The following BMPER variants were observed in gnomAD, a reference collection of about 807,000 sequenced individuals.
BMPER encodes the protein BMP-binding endothelial regulator protein.
A neutral mutation model predicts 87.3 loss-of-function variants in BMPER; 45 were observed. That is an observed-to-expected ratio of 0.52 (90% confidence interval 0.41 to 0.66). BMPER has a LOEUF of 0.66. BMPER is among the 30% of genes least tolerant of loss of function. The probability of loss-of-function intolerance (pLI) is 0.00; values close to 1 mark genes in which losing one functional copy is unlikely to be tolerated. For synonymous variants in BMPER, 326 were observed against 316.2 expected (o/e 1.03, Z -0.33); for missense variants, 784 against 867.5 (o/e 0.90, Z 1.21).
intron 13 of BMPER, among the ~76,000 whole-genome samples, chr7:34,097,007 C>T (rs1562741324): frequency 2.0e-5 from 3 of 152,270 alleles, no homozygotes; most frequent in Middle Eastern, 3.4e-3. Context: ...GCTTGCAGGG[C>T]ATGTTAATGA....
intron 2 of BMPER, among the ~76,000 whole-genome samples, chr7:33,925,445 T>G (rs1784335216): frequency 6.6e-6 from 1 of 152,192 alleles, no homozygotes; most frequent in Non-Finnish European, 1.5e-5. Context: ...CATAACAAAC[T>G]GTGCAATGAG....
chr7:34,019,304 CTG>C (rs756980156), intron 6 of BMPER, among the ~76,000 whole-genome samples: 7 of 152,116 alleles, frequency 4.6e-5, no homozygotes, highest in Non-Finnish European at 8.8e-5. Flanking sequence ...TCAGAGGAAA[CTG>C]TACATGTTAG....
intron 7 of BMPER, among the ~76,000 whole-genome samples, chr7:34,049,005 T>A (rs1788068701): frequency 6.6e-6 from 1 of 152,210 alleles, no homozygotes; most frequent in Non-Finnish European, 1.5e-5. Flanking sequence ...GCTTTCTAGA[T>A]GCTGAAATCT....
intron 13 of BMPER, among the ~76,000 whole-genome samples, chr7:34,141,671 T>C (rs1295159500): frequency 6.6e-6 from 1 of 151,702 alleles, no homozygotes; most frequent in Non-Finnish European, 1.5e-5. Flanking sequence ...GAAAGATCTC[T>C]TTTTCTGTGC....
intron 6 of BMPER, among the ~76,000 whole-genome samples, chr7:34,025,962 T>C (rs1418332067): frequency 6.6e-6 from 1 of 152,008 alleles, no homozygotes; most frequent in Non-Finnish European, 1.5e-5. Context: ...AATGAGTTGG[T>C]CTGGAAGCCG....
intron 6 of BMPER, among the ~76,000 whole-genome samples, chr7:34,028,452 CTT>C (rs1787418343): frequency 6.6e-6 from 1 of 151,724 alleles, no homozygotes; most frequent in Admixed American, 6.6e-5. Flanking sequence ...AACCAAAACT[CTT>C]TGGTAGGTTC....
At chr7:33,993,121 T>A (rs2127928214) in intron 6 of BMPER, among the ~76,000 whole-genome samples, 1 of 120,912 alleles carries the variant, frequency 8.3e-6, no homozygotes, top group East Asian at 2.4e-4. Context: ...TCGAGGATTA[T>A]CTTTGTGGCG....
intron 8 of BMPER, among the ~76,000 whole-genome samples, chr7:34,052,893 T>C (rs1256330159): frequency 6.6e-6 from 1 of 152,212 alleles, no homozygotes; most frequent in Non-Finnish European, 1.5e-5. Flanking sequence ...AGCCTGAGAA[T>C]ACTTTACCGA....
chr7:33,938,423 C>T (rs1784664067), intron 3 of BMPER, among the ~76,000 whole-genome samples: 1 of 152,062 alleles, frequency 6.6e-6, no homozygotes, highest in South Asian at 2.1e-4. Context: ...TGACTTGTGT[C>T]TTTATAAGAA....
intron 6 of BMPER, among the ~76,000 whole-genome samples, chr7:34,023,610 G>T (rs190112517): frequency 1.9e-3 from 282 of 152,126 alleles, no homozygotes; most frequent in Admixed American, 4.6e-3. Context: ...ATCTTCTGAG[G>T]AGGGCCTAAA....
chr7:34,106,830 G>GGAC (rs1213485867), intron 13 of BMPER, among the ~76,000 whole-genome samples: 1 of 152,212 alleles, frequency 6.6e-6, no homozygotes. Context: ...GACAGGCTTT[G>GGAC]AGTATAATGT....
intron 8 of BMPER, among the ~76,000 whole-genome samples, chr7:34,054,406 AT>A (rs1037848798): frequency 5.3e-5 from 8 of 151,796 alleles, no homozygotes; most frequent in Middle Eastern, 3.4e-3. Context: ...TTGACAAAGG[AT>A]TTTTTTTTCC....
intron 6 of BMPER, among the ~76,000 whole-genome samples, chr7:33,983,536 C>T (rs1245853468): frequency 6.6e-6 from 1 of 152,124 alleles, no homozygotes; most frequent in African/African-American, 2.4e-5. Flanking sequence ...TTAATTTTCA[C>T]AATTGTTCTG....
Position 33,924,957 on chromosome 7 carries a change from C to T in BMPER, c.220-12332C>T, listed in dbSNP as rs116678768. Among the ~76,000 whole-genome samples, 803 of 152,288 alleles carry T rather than the reference C, an allele frequency of 5.3e-3. 6 individuals carry two copies. Among genetic ancestry groups the T allele is most frequent in the African/African-American group, 0.017 (691 of 41,564 alleles). On this transcript the variant is annotated intron_variant, in intron 2 of 14. Transcript: ENST00000649409. ...GATTACAGGCGCGAGCCACTGCACC[C>T]GGCCTAAAGGATCTTTTTCTGATCA...
At chr7:34,036,787 C>A (rs1471766345) in intron 6 of BMPER, among the ~76,000 whole-genome samples, 1 of 152,122 alleles carries the variant, frequency 6.6e-6, no homozygotes, top group Non-Finnish European at 1.5e-5. Flanking sequence ...TTGCCTCAAA[C>A]AATATCGCAG....
Position 33,925,945 on chromosome 7 carries a change from G to A in BMPER, c.220-11344G>A, listed in dbSNP as rs112768923. ...AGGAGACTTTGGATGATTTCAAGGA[G>A]TTTGTGGCAGTGGAATTTGGTCAAA... On this transcript the variant is annotated intron_variant, in intron 2 of 14. Coordinates refer to ENST00000649409, the MANE Select transcript of BMPER (RefSeq NM_001365308.1). Among the ~76,000 whole-genome samples the A allele has an allele frequency of 6.9e-3, 1,047 of 152,356 alleles. 8 individuals carry two copies. Among genetic ancestry groups the A allele is most frequent in the South Asian group, 0.02 (98 of 4,826 alleles).
intron 2 of BMPER, among the ~76,000 whole-genome samples, chr7:33,933,120 G>A (rs942169552): frequency 1.3e-5 from 2 of 152,184 alleles, no homozygotes; most frequent in Non-Finnish European, 2.9e-5. Flanking sequence ...TGCGGCGGGA[G>A]CTGTGGTTTG....
chr7:34,068,244 G>C (rs1788644518), intron 11 of BMPER, among the ~76,000 whole-genome samples: 1 of 152,218 alleles, frequency 6.6e-6, no homozygotes, highest in South Asian at 2.1e-4. Flanking sequence ...GGACGCTCAA[G>C]ATAGTTGTGG....
At chr7:34,049,990 A>G (rs966755447) in intron 7 of BMPER, among the ~76,000 whole-genome samples, 4 of 152,198 alleles carry the variant, frequency 2.6e-5, no homozygotes, top group Admixed American at 1.3e-4. Flanking sequence ...GGCAAAATCT[A>G]TGTGATCCAG....
Sources: allele counts gnomAD v4.1 joint callset (sites outside exome capture counted in the v4.1 genomes callset), GRCh38; gene constraint gnomAD v4.1.1; transcripts MANE v1.5; gene names NCBI Gene and HGNC (gene_info 2026-07-23, HGNC 2026-07-21).